Variants in PPP2R3A observed in about 807,000 individuals in gnomAD.
PPP2R3A encodes protein phosphatase 2 regulatory subunit B''alpha.
A neutral mutation model predicts 106.9 loss-of-function variants in PPP2R3A; 80 were observed. That is an observed-to-expected ratio of 0.75 (90% CI 0.62 to 0.90). The LOEUF is 0.90. PPP2R3A is among the 40% of genes least tolerant of loss of function. The pLI, the probability that PPP2R3A is intolerant of heterozygous loss-of-function variation, is 0.00. For missense variants in PPP2R3A, 1,386 were observed against 1,350.4 expected, an observed-to-expected ratio of 1.03 and a Z score of -0.41; for synonymous variants, 483 against 468.3, an observed-to-expected ratio of 1.03 and a Z score of -0.41.
chr3:135,972,534 A>T (rs946382504), intron 1 of PPP2R3A, among the ~76,000 whole-genome samples: 1 of 151,826 alleles, frequency 6.6e-6, no homozygotes, highest in Non-Finnish European at 1.5e-5. Context: ...TTTTTGAGGA[A>T]CTCCCAGACT....
chr3:136,134,273 G>T (rs923662256), intron 13 of PPP2R3A, among the ~76,000 whole-genome samples: 15 of 152,158 alleles, frequency 9.9e-5, no homozygotes, highest in African/African-American at 3.6e-4. Context: ...TATTGCCCCA[G>T]TGTCCCTGGA....
At chr3:136,034,347 T>C (rs1019259968) in intron 3 of PPP2R3A, among the ~76,000 whole-genome samples, 1 of 152,222 alleles carries the variant, frequency 6.6e-6, no homozygotes, top group Non-Finnish European at 1.5e-5. Flanking sequence ...GACTTTTTGA[T>C]GTAGGCGTTT....
chr3:135,968,551 G>C (rs753269442), intron 1 of PPP2R3A, among the ~76,000 whole-genome samples: 18 of 152,152 alleles, frequency 1.2e-4, no homozygotes, highest in African/African-American at 1.7e-4. Flanking sequence ...ACAAAATGAA[G>C]CTAGGAAAAT....
rs567222802 is a variant in PPP2R3A, at chr3:136,143,938, T to C, written c.3330-1105T>C. 2.0e-5 allele frequency among the ~76,000 whole-genome samples: 3 copies of C among 152,238 alleles called. No homozygotes were observed. The South Asian group carries it at 6.2e-4, about 31-fold the overall frequency. On this transcript the variant is annotated intron_variant, in intron 13 of 13. Transcript: ENST00000264977. The stretch of plus-strand genomic sequence containing the variant: ...GTATGTCCACAAATTCCTGCTTAAA[T>C]ATTGTGGGAGATCCCTGCAAGGGCT...
intron 2 of PPP2R3A, among the ~76,000 whole-genome samples, chr3:136,007,748 C>T (rs1933899987): frequency 6.6e-6 from 1 of 152,178 alleles, no homozygotes; most frequent in Admixed American, 6.5e-5. Context: ...TTTACTTTCT[C>T]TTTAAGGAAT....
Position 136,060,360 on chromosome 3 carries a change from T to C in PPP2R3A, c.2470-10118T>C, listed in dbSNP as rs546417662. On this transcript the variant is annotated intron_variant, in intron 5 of 13. Coordinates refer to ENST00000264977, the MANE Select transcript of PPP2R3A (RefSeq NM_002718.5). ...ATAGAATGGTAATTACCAAATAATA[T>C]GGTTTAGCTCTGTGTCCCCACCCAA... Among the ~76,000 whole-genome samples, 6 of 152,236 alleles carry C rather than the reference T, an allele frequency of 3.9e-5. No individual in the cohort carries two copies. The East Asian group carries it at 1.2e-3, about 29-fold the overall frequency.
intron 13 of PPP2R3A, among the ~76,000 whole-genome samples, chr3:136,130,191 A>C (rs1938352366): frequency 6.6e-6 from 1 of 152,144 alleles, no homozygotes; most frequent in Non-Finnish European, 1.5e-5. Context: ...GAAAGAAATA[A>C]AGGGTATTCA....
chr3:136,146,335 C>T lies in PPP2R3A; in HGVS notation c.*1169C>T, dbSNP rs886654166. ...ACATTTCTGATGTAAGTAAAACCCC[C>T]AAGCAACTTAATATCCATCTGTCAG... On this transcript the variant is annotated 3_prime_UTR_variant, in exon 14 of 14. Transcript: ENST00000264977. 6.6e-6 allele frequency: 1 copy of T among 152,172 alleles called. No individual in the cohort carries two copies. The highest frequency in any genetic ancestry group is 1.5e-5 in the Non-Finnish European group (1 of 68,026). 9.4% of individuals were successfully genotyped at this position (152,172 alleles called of 1,614,324 possible).
chr3:136,135,494 A>G (rs1938575743), intron 13 of PPP2R3A, among the ~76,000 whole-genome samples: 2 of 152,196 alleles, frequency 1.3e-5, no homozygotes, highest in Non-Finnish European at 2.9e-5. Flanking sequence ...GGGAGAGTCT[A>G]ATTGTCAAAC....
At chr3:136,101,949 T>G in intron 10 of PPP2R3A, 58 bp from the exon 11 acceptor site, 2 of 1,504,836 alleles carry the variant, frequency 1.3e-6, no homozygotes, top group Non-Finnish European at 1.8e-6. Flanking sequence ...ACATACTAAA[T>G]CTGGATAAAT....
chr3:136,054,612 A>T (rs184113385), intron 5 of PPP2R3A, among the ~76,000 whole-genome samples: 107 of 152,318 alleles, frequency 7.0e-4, no homozygotes, highest in African/African-American at 2.5e-3. Flanking sequence ...TTTTTATCTG[A>T]ATTAACATGC....
At chr3:136,023,307 C>T in intron 2 of PPP2R3A, 1 of 925,480 alleles carries the variant, frequency 1.1e-6, no homozygotes, top group South Asian at 1.7e-5. Context: ...AATTTTACAG[C>T]TCCCTTGTAT....
chr3:136,105,974 A>G (rs1303428614), intron 12 of PPP2R3A, among the ~76,000 whole-genome samples: 3 of 152,168 alleles, frequency 2.0e-5, no homozygotes, highest in Non-Finnish European at 2.9e-5. Flanking sequence ...AGAAAAAAAA[A>G]GAAAAAAGAA....
intron 2 of PPP2R3A, among the ~76,000 whole-genome samples, chr3:136,009,427 GAC>G (rs1287197395): frequency 1.3e-5 from 2 of 152,088 alleles, no homozygotes; most frequent in Non-Finnish European, 2.9e-5. Flanking sequence ...CTGGCTTTAT[GAC>G]ACACTTTTCA....
intron 10 of PPP2R3A, among the ~76,000 whole-genome samples, chr3:136,100,024 C>T (rs1937319132): frequency 6.6e-6 from 1 of 151,864 alleles, no homozygotes; most frequent in Non-Finnish European, 1.5e-5. Flanking sequence ...CTCAGAAAAG[C>T]CCAGCCAAAT....
At chr3:136,022,068 GA>G (rs759532961) in intron 2 of PPP2R3A, among the ~76,000 whole-genome samples, 6 of 152,152 alleles carry the variant, frequency 3.9e-5, no homozygotes, top group Non-Finnish European at 7.4e-5. Flanking sequence ...ATAACTATAT[GA>G]GGCAGATATT....
intron 13 of PPP2R3A, among the ~76,000 whole-genome samples, chr3:136,144,022 A>G (rs971797084): frequency 2.6e-5 from 4 of 152,256 alleles, no homozygotes; most frequent in African/African-American, 2.4e-5. Flanking sequence ...TCTGATGTAC[A>G]TATCTACATA....
At chr3:135,993,735 T>C (rs1344451816) in intron 1 of PPP2R3A, among the ~76,000 whole-genome samples, 1 of 152,236 alleles carries the variant, frequency 6.6e-6, no homozygotes, top group Non-Finnish European at 1.5e-5. Context: ...GGTACATTCA[T>C]ACAGTGGAAT....
At chr3:136,111,072 TA>T (rs1251582794) in intron 13 of PPP2R3A, among the ~76,000 whole-genome samples, 1 of 152,206 alleles carries the variant, frequency 6.6e-6, no homozygotes, top group Non-Finnish European at 1.5e-5. Context: ...TACCACAGAA[TA>T]TCTCTGAAAC....
Sources: allele counts gnomAD v4.1 joint callset (sites outside exome capture counted in the v4.1 genomes callset), GRCh38; gene constraint gnomAD v4.1.1; transcripts MANE v1.5; gene names NCBI Gene and HGNC (gene_info 2026-07-23, HGNC 2026-07-21).